Variants in STAU2 observed in about 807,000 individuals in gnomAD.
STAU2 encodes double-stranded RNA-binding protein Staufen homolog 2.
In STAU2, 20 loss-of-function variants were observed where a neutral mutation model predicts 65.9. The ratio of observed to expected loss-of-function variants is 0.30; its 90% CI spans 0.21 to 0.44. The LOEUF is 0.44. STAU2 is among the 20% of genes least tolerant of loss of function. The probability of loss-of-function intolerance (pLI) is 1.00; values close to 1 mark genes in which losing one functional copy is unlikely to be tolerated. For synonymous variants in STAU2, 232 were observed against 233.9 expected (o/e 0.99, Z 0.07); for missense variants, 558 against 683.9 (o/e 0.82, Z 2.05).
intron 12 of STAU2, among the ~76,000 whole-genome samples, chr8:73,569,656 T>A (rs1341476626): frequency 1.3e-5 from 2 of 152,252 alleles, no homozygotes; most frequent in East Asian, 3.9e-4. Flanking sequence ...TCTGCAATAT[T>A]TGCTGTTCTG....
In STAU2 at chr8:73,422,598, C is replaced by T. The variant is rs753241828; in HGVS notation, c.1619+16G>A. ...ACAATTAAAAGTGTAAGAATACTGACAGGGGATTTACTCACTTTTCAAGAG... is the reference window on the plus strand; with the variant it reads ...ACAATTAAAAGTGTAAGAATACTGATAGGGGATTTACTCACTTTTCAAGAG... On this transcript the variant is annotated intron_variant, in intron 14 of 14. Transcript: ENST00000524300. 16 of 1,491,904 alleles carry T rather than the reference C, an allele frequency of 1.1e-5. No individual in the cohort carries two copies. The South Asian group carries it at 2.1e-4, about 20-fold the overall frequency. The allele number at this position is 1,491,904 out of a possible 1,614,324, so 92.4% of individuals were successfully genotyped here. A position where few individuals can be genotyped will look rare whatever the true frequency, so the allele number is the denominator to read the frequency against.
intron 12 of STAU2, among the ~76,000 whole-genome samples, chr8:73,568,674 G>C (rs1808808256): frequency 6.6e-6 from 1 of 152,108 alleles, no homozygotes. Flanking sequence ...AGAACAGAAA[G>C]TCTGGAATAA....
At chr8:73,613,170 G>C (rs1020553524) in intron 9 of STAU2, among the ~76,000 whole-genome samples, 1 of 152,136 alleles carries the variant, frequency 6.6e-6, no homozygotes, top group African/African-American at 2.4e-5. Context: ...CAAAGTGTTG[G>C]GACAAAGTCT....
At chr8:73,532,321 C>T (rs1012496622) in intron 13 of STAU2, among the ~76,000 whole-genome samples, 4 of 152,080 alleles carry the variant, frequency 2.6e-5, no homozygotes, top group South Asian at 2.1e-4. Context: ...GTACCTTGTG[C>T]GGGGAACGTG....
At chr8:73,481,734 A>C (rs1820644809) in intron 13 of STAU2, among the ~76,000 whole-genome samples, 1 of 152,158 alleles carries the variant, frequency 6.6e-6, no homozygotes, top group Non-Finnish European at 1.5e-5. Flanking sequence ...TTGAATTTTT[A>C]GCTGTGATTC....
At chr8:73,431,952 C>A (rs1817331383) in intron 13 of STAU2, among the ~76,000 whole-genome samples, 7 of 152,222 alleles carry the variant, frequency 4.6e-5, no homozygotes, top group Admixed American at 4.6e-4. Flanking sequence ...TCATTAGCAA[C>A]ATGTGGGTAT....
At chr8:73,701,629 G>A (rs1024017575) in intron 4 of STAU2, among the ~76,000 whole-genome samples, 1 of 152,168 alleles carries the variant, frequency 6.6e-6, no homozygotes, top group African/African-American at 2.4e-5. Flanking sequence ...TACGTTGTTA[G>A]CAAGAATGTA....
At chr8:73,742,207 G>A (rs964180681) in intron 1 of STAU2, 3 of 985,090 alleles carry the variant, frequency 3.0e-6, no homozygotes, top group South Asian at 9.4e-5. Context: ...ATAAAATGCA[G>A]AGCAGTTTTA....
At chr8:73,556,434 G>T (rs73328717) in intron 12 of STAU2, among the ~76,000 whole-genome samples, 26 of 152,230 alleles carry the variant, frequency 1.7e-4, no homozygotes, top group African/African-American at 6.0e-4. Context: ...AAAGTATCTT[G>T]TTTCCTATTT....
intron 13 of STAU2, among the ~76,000 whole-genome samples, chr8:73,547,595 T>C (rs1807023816): frequency 6.6e-6 from 1 of 152,162 alleles, no homozygotes; most frequent in African/African-American, 2.4e-5. Flanking sequence ...TAACACATAC[T>C]TAAGTCTTTC....
At position 73,651,227 on chromosome 8, in the gene STAU2, C is replaced by T. The variant is rs1011747659; in HGVS notation, c.410+21880G>A. On this transcript the variant is annotated intron_variant, in intron 6 of 14. Transcript: ENST00000524300. ...AAGGAGGCTAGGTCCTCAAATCTGC[C>T]TCCGCCAGAGAGGGCTATGGCTGGG... 5 of 780,492 alleles carry T rather than the reference C, an allele frequency of 6.4e-6. No individual in the cohort carries two copies. The African/African-American group carries it at 6.9e-5, about 11-fold the overall frequency. The allele number at this position is 780,492 out of a possible 1,614,324, so 48.3% of individuals were successfully genotyped here.
intron 12 of STAU2, among the ~76,000 whole-genome samples, chr8:73,574,285 G>C (rs528597210): frequency 1.2e-3 from 176 of 152,310 alleles, no homozygotes; most frequent in African/African-American, 4.1e-3. Flanking sequence ...TGGAGAAACA[G>C]GAACACTTTT....
rs543084262 is a variant in STAU2, at chr8:73,570,959, T to TA, written c.1222+11810dup. Among the ~76,000 whole-genome samples, 341 of 152,200 alleles carry TA rather than the reference T, an allele frequency of 2.2e-3. 3 individuals are homozygous for TA. Among genetic ancestry groups the TA allele is most frequent in the Admixed American group, 0.018 (274 of 15,282 alleles). On this transcript the variant is annotated intron_variant, in intron 12 of 14. Transcript: ENST00000524300. ...TTAAAAGACAGACTGGCAGTTTGGATAAAGAGTCAAGACCCATCAGTGTGC... is the reference window on the plus strand; with the variant it reads ...TTAAAAGACAGACTGGCAGTTTGGATAAAAGAGTCAAGACCCATCAGTGTGC...
intron 11 of STAU2, among the ~76,000 whole-genome samples, chr8:73,594,876 G>A (rs1811072487): frequency 6.6e-6 from 1 of 152,154 alleles, no homozygotes; most frequent in Non-Finnish European, 1.5e-5. Flanking sequence ...TTAAGACTGT[G>A]TCTATATGGC....
At chr8:73,674,126 TAA>T (rs368065193) in intron 5 of STAU2, among the ~76,000 whole-genome samples, 97 of 114,090 alleles carry the variant, frequency 8.5e-4, no homozygotes, top group African/African-American at 1.5e-3. Flanking sequence ...AACCCAAAAC[TAA>T]AAAAAAAAAA....
Position 73,480,740 on chromosome 8 carries a change from G to A in STAU2, c.1531-58038C>T, listed in dbSNP as rs572422614. 7.9e-5 allele frequency among the ~76,000 whole-genome samples: 12 copies of A among 152,196 alleles called. No homozygotes were observed. The East Asian group carries it at 1.5e-3, about 20-fold the overall frequency. Reference sequence around the variant, plus strand: ...GAAGCCTTTGCTATCAAATAAACACGAAATATGTAGGAACCAAACTGGAAG... The same window carrying A: ...GAAGCCTTTGCTATCAAATAAACACAAAATATGTAGGAACCAAACTGGAAG... On this transcript the variant is annotated intron_variant, in intron 13 of 14. Coordinates refer to ENST00000524300, the MANE Select transcript of STAU2 (RefSeq NM_001164380.2).
chr8:73,454,997 C>T (rs913183409), intron 13 of STAU2, among the ~76,000 whole-genome samples: 1 of 152,160 alleles, frequency 6.6e-6, no homozygotes, highest in Non-Finnish European at 1.5e-5. Flanking sequence ...TCCAAGCCAG[C>T]TCATGCTTAG....
At chr8:73,656,062 C>A (rs1336861795) in intron 6 of STAU2, among the ~76,000 whole-genome samples, 3 of 152,172 alleles carry the variant, frequency 2.0e-5, no homozygotes, top group Admixed American at 6.5e-5. Context: ...GGATTACAGG[C>A]ATGAGTCACC....
At chr8:73,425,202 T>TTAAATA (rs1427113011) in intron 13 of STAU2, among the ~76,000 whole-genome samples, 1 of 152,186 alleles carries the variant, frequency 6.6e-6, no homozygotes, top group Non-Finnish European at 1.5e-5. Context: ...TGGCCTTATT[T>TTAAATA]AAAAATAGGA....
Sources: gnomAD v4.1 joint callset for allele counts (sites outside exome capture counted in the v4.1 genomes callset) on GRCh38, gnomAD v4.1.1 for gene constraint, MANE v1.5 for transcripts, NCBI Gene and HGNC (gene_info 2026-07-23, HGNC 2026-07-21) for gene names.